The following MAPK10 variants were observed in gnomAD, a reference collection of about 807,000 sequenced individuals.
MAPK10 encodes the protein mitogen-activated protein kinase 10.
A neutral mutation model predicts 59.3 loss-of-function variants in MAPK10; 25 were observed. That is an observed-to-expected ratio of 0.42 (90% confidence interval 0.31 to 0.59). The LOEUF (loss-of-function observed/expected upper bound fraction) is 0.59, where lower values mean the gene tolerates loss of function less well. Among genes scored for constraint, MAPK10 ranks in the 20% least tolerant of loss-of-function variants. The probability of loss-of-function intolerance (pLI) is 0.15; values close to 1 mark genes in which losing one functional copy is unlikely to be tolerated. For missense variants in MAPK10, 351 were observed against 568.9 expected (o/e 0.62, Z 3.90); for synonymous variants, 190 against 200.5 (o/e 0.95, Z 0.44).
At chr4:86,177,020 C>T (rs144469790) in intron 3 of MAPK10, among the ~76,000 whole-genome samples, 74 of 152,072 alleles carry the variant, frequency 4.9e-4, no homozygotes, top group African/African-American at 1.6e-3. Flanking sequence ...AGAAAGAACA[C>T]TCATTAAAAG....
chr4:86,567,499 C>T (rs550689132), intron 1 of MAPK10, among the ~76,000 whole-genome samples: 15 of 152,256 alleles, frequency 9.9e-5, no homozygotes, highest in Admixed American at 3.9e-4. Flanking sequence ...GGATTACAGG[C>T]GTGAGCCACC....
intron 1 of MAPK10, among the ~76,000 whole-genome samples, chr4:86,401,488 T>C (rs1318439849): frequency 6.6e-6 from 1 of 152,210 alleles, no homozygotes; most frequent in East Asian, 1.9e-4. Flanking sequence ...AAGCACTGTA[T>C]ACAAACTGCC....
intron 1 of MAPK10, among the ~76,000 whole-genome samples, chr4:86,404,418 C>T (rs1374784817): frequency 6.6e-6 from 1 of 152,136 alleles, no homozygotes; most frequent in South Asian, 2.1e-4. Context: ...GAACTACAGA[C>T]TTCTATTACT....
intron 4 of MAPK10, among the ~76,000 whole-genome samples, chr4:86,148,042 C>A (rs995512934): frequency 2.0e-5 from 3 of 152,144 alleles, no homozygotes; most frequent in Non-Finnish European, 4.4e-5. Context: ...GCAACAGGCA[C>A]TTTTTGAAAT....
intron 2 of MAPK10, among the ~76,000 whole-genome samples, chr4:86,261,825 A>T (rs1273122845): frequency 6.6e-6 from 1 of 152,214 alleles, no homozygotes; most frequent in Non-Finnish European, 1.5e-5. Context: ...TCTGAGAATC[A>T]TTCTTTCATA....
chr4:86,568,269 A>G (rs1761207910), intron 1 of MAPK10, among the ~76,000 whole-genome samples: 1 of 152,204 alleles, frequency 6.6e-6, no homozygotes, highest in Non-Finnish European at 1.5e-5. Flanking sequence ...GAAAAACTAC[A>G]AAACACTGCT....
chr4:86,106,892 G>GT (rs141825745), intron 5 of MAPK10: 4,917 of 157,266 alleles, frequency 0.031, 85 homozygotes, highest in Middle Eastern at 0.076. Context: ...TGCTTTGTAG[G>GT]TTTTTTTTTT....
At chr4:86,299,103 A>G (rs1465382663) in intron 2 of MAPK10, among the ~76,000 whole-genome samples, 1 of 152,240 alleles carries the variant, frequency 6.6e-6, no homozygotes, top group Non-Finnish European at 1.5e-5. Flanking sequence ...GTGGTACAAT[A>G]AATAGTGATT....
rs566351610 is a variant in MAPK10 at position 86,224,409 on chromosome 4, T to C, written c.-6-30002A>G. On this transcript the variant is annotated intron_variant, in intron 2 of 13. Coordinates refer to ENST00000641462, the MANE Select transcript of MAPK10 (RefSeq NM_138982.4). ...AGGAAGTGATATATTAACTGAAAGC[T>C]TAAGAATGAGTAGAAGTGCACTAGG... Among the ~76,000 whole-genome samples the C allele has an allele frequency of 7.9e-5, 12 of 152,192 alleles. No individual in the cohort carries two copies. The South Asian group carries it at 1.2e-3, about 16-fold the overall frequency.
chr4:86,037,630 A>T (rs1282314067), intron 11 of MAPK10, among the ~76,000 whole-genome samples: 1 of 152,178 alleles, frequency 6.6e-6, no homozygotes, highest in African/African-American at 2.4e-5. Context: ...AATCTTTGAG[A>T]TAATTTTCAA....
intron 4 of MAPK10, among the ~76,000 whole-genome samples, chr4:86,110,483 A>G (rs951963954): frequency 2.0e-5 from 3 of 152,176 alleles, no homozygotes; most frequent in African/African-American, 7.2e-5. Flanking sequence ...TAAATAGGGA[A>G]TGCTTTCCCC....
intron 11 of MAPK10, among the ~76,000 whole-genome samples, chr4:86,047,612 G>A (rs990247235): frequency 6.6e-6 from 1 of 152,138 alleles, no homozygotes; most frequent in Non-Finnish European, 1.5e-5. Flanking sequence ...AAATATCAGT[G>A]TATGGTTTTT....
intron 4 of MAPK10, among the ~76,000 whole-genome samples, chr4:86,109,673 G>A (rs927128939): frequency 3.3e-5 from 5 of 152,058 alleles, no homozygotes; most frequent in South Asian, 4.1e-4. Context: ...CTTTGCTATC[G>A]TGCATAGCGC....
chr4:86,082,967 A>G (rs2050969822), intron 9 of MAPK10, among the ~76,000 whole-genome samples: 2 of 152,324 alleles, frequency 1.3e-5, no homozygotes, highest in Admixed American at 1.3e-4. Context: ...TACTTTTGTC[A>G]TCCATCACTC....
At position 86,566,758 on chromosome 4, in the gene MAPK10, C is replaced by G. The variant is rs915917820; in HGVS notation, c.-263+27152G>C. On this transcript the variant is annotated intron_variant, in intron 1 of 4. Coordinates refer to the MAPK10 transcript ENST00000502302. The stretch of plus-strand genomic sequence containing the variant: ...TATTGTAACTAATCATCACCAATGT[C>G]CTTAATTTTTCACTTAAGCATGGTA... 2.6e-5 allele frequency among the ~76,000 whole-genome samples: 4 copies of G among 151,782 alleles called. No individual in the cohort carries two copies. In the East Asian group the frequency reaches 7.7e-4, roughly 29 times the overall value.
intron 11 of MAPK10, among the ~76,000 whole-genome samples, chr4:86,057,626 C>A (rs1204772947): frequency 1.3e-5 from 2 of 148,656 alleles, no homozygotes; most frequent in Non-Finnish European, 3.0e-5. Flanking sequence ...TTTAAAAATT[C>A]AATGCTGAAT....
At chr4:86,289,969 TA>T (rs964025765) in intron 2 of MAPK10, among the ~76,000 whole-genome samples, 7 of 152,268 alleles carry the variant, frequency 4.6e-5, no homozygotes, top group African/African-American at 1.4e-4. Context: ...GTAGTGAGGC[TA>T]AGAATTGATT....
chr4:86,103,109 G>A (rs2055832998), intron 6 of MAPK10, 77 bp downstream of exon 6: 5 of 794,154 alleles, frequency 6.3e-6, no homozygotes, highest in Non-Finnish European at 1.1e-5. Flanking sequence ...GTGTGTGTGT[G>A]TGTGTGTGGT....
At chr4:86,406,051 G>A (rs1744322522) in intron 1 of MAPK10, among the ~76,000 whole-genome samples, 1 of 152,164 alleles carries the variant, frequency 6.6e-6, no homozygotes, top group Admixed American at 6.5e-5. Context: ...TATCACGTAA[G>A]AGGACTGAGA....
Sources: gnomAD v4.1 joint callset for allele counts (sites outside exome capture counted in the v4.1 genomes callset) on GRCh38, gnomAD v4.1.1 for gene constraint, MANE v1.5 for transcripts, NCBI Gene and HGNC (gene_info 2026-07-23, HGNC 2026-07-21) for gene names.